The following DPYSL5 variants were observed in gnomAD, a reference collection of about 807,000 sequenced individuals.
The protein encoded by DPYSL5 is dihydropyrimidinase-related protein 5.
In DPYSL5, 9 loss-of-function variants were observed where a neutral mutation model predicts 58.4. That is an observed-to-expected ratio of 0.15 (90% CI 0.09 to 0.27). The LOEUF (loss-of-function observed/expected upper bound fraction) is 0.27. Among genes scored for constraint, DPYSL5 ranks in the 10% least tolerant of loss-of-function variants. The pLI is 1.00. For missense variants in DPYSL5, 499 were observed against 770.6 expected, an observed-to-expected ratio of 0.65 and a Z score of 4.17; for synonymous variants, 293 against 301.9, an observed-to-expected ratio of 0.97 and a Z score of 0.31.
chr2:26,931,773 C>T (rs1386900708), intron 6 of DPYSL5, 89 bp downstream of exon 6: 8 of 1,412,514 alleles, frequency 5.7e-6, no homozygotes, highest in African/African-American at 5.7e-5. Context: ...TTTGGGAGGC[C>T]GAGGTGCGTG....
chr2:26,888,212 TC>T (rs1663770777), intron 1 of DPYSL5, among the ~76,000 whole-genome samples: 2 of 75,494 alleles, frequency 2.6e-5, no homozygotes, highest in African/African-American at 9.9e-5. Flanking sequence ...CCCTTTCTTT[TC>T]TTTCTTTCTT....
intron 1 of DPYSL5, among the ~76,000 whole-genome samples, chr2:26,876,961 C>CTTTT (rs10707678): frequency 5.3e-5 from 6 of 112,266 alleles, no homozygotes; most frequent in African/African-American, 1.4e-4. Context: ...TCCACAGCCA[C>CTTTT]TTTTTTTTTT....
At chr2:26,884,905 A>G (rs989248528) in intron 1 of DPYSL5, among the ~76,000 whole-genome samples, 1 of 151,836 alleles carries the variant, frequency 6.6e-6, no homozygotes, top group African/African-American at 2.4e-5. Context: ...TCTTTTAAAA[A>G]CCGTCTCAGG....
At chr2:26,904,920 C>A (rs1664251986) in intron 2 of DPYSL5, among the ~76,000 whole-genome samples, 1 of 152,078 alleles carries the variant, frequency 6.6e-6, no homozygotes, top group Non-Finnish European at 1.5e-5. Flanking sequence ...AAAACAAAAA[C>A]AGGAGTTTGA....
intron 1 of DPYSL5, among the ~76,000 whole-genome samples, chr2:26,884,520 TCACACA>T (rs3070961): frequency 6.5e-4 from 94 of 145,634 alleles, no homozygotes; most frequent in Admixed American, 1.8e-3. Context: ...TTGTCCTATC[TCACACA>T]CACACACACA....
chr2:26,939,942 C>T lies in DPYSL5; in HGVS notation c.948-89C>T. On this transcript the variant is annotated intron_variant, in intron 8 of 12. Transcript: ENST00000288699. Reference sequence around the variant, plus strand: ...ATTGGAGTCGGCTTTGCCTGCTTCCCACACGGAGGATTTTCCCTATATCTA... The same window carrying T: ...ATTGGAGTCGGCTTTGCCTGCTTCCTACACGGAGGATTTTCCCTATATCTA... The T allele has an allele frequency of 3.2e-6, 5 of 1,559,102 alleles. No homozygotes were observed. In the Admixed American group the frequency reaches 8.7e-5, roughly 27 times the overall value.
chr2:26,900,893 A>G lies in DPYSL5; in HGVS notation c.261+2133A>G, dbSNP rs182331909. On this transcript the variant is annotated intron_variant, in intron 2 of 12. Transcript: ENST00000288699. ...TGTCTACCAGCCTCGCGGTGGGCAG[A>G]CTGGCCTCCTTTGTCTCATTTTCCA... Among the ~76,000 whole-genome samples the G allele has an allele frequency of 4.6e-4, 70 of 152,154 alleles. 1 individual carries two copies. In the East Asian group the frequency reaches 0.012, roughly 26 times the overall value.
At chr2:26,851,339 G>A (rs1167638580) in intron 1 of DPYSL5, among the ~76,000 whole-genome samples, 1 of 44,710 alleles carries the variant, frequency 2.2e-5, no homozygotes, top group Non-Finnish European at 4.2e-5. Context: ...CCAGCCTGAC[G>A]TGAAGGCCTG....
chr2:26,879,744 TCTAAAGGATTC>T (rs547299079), intron 1 of DPYSL5, among the ~76,000 whole-genome samples: 403 of 152,292 alleles, frequency 2.6e-3, no homozygotes, highest in African/African-American at 9.3e-3. Flanking sequence ...TTCCAACTGA[TCTAAAGGATTC>T]CTAGAGAGAG....
In DPYSL5 at chr2:26,924,874, C is replaced by T. The variant is rs546331720; in HGVS notation, c.262-13C>T. The T allele has an allele frequency of 4.2e-5, 67 of 1,611,974 alleles. 1 individual carries two copies. In the African/African-American group the frequency reaches 6.1e-4, roughly 15 times the overall value. On this transcript the variant is annotated splice_polypyrimidine_tract_variant and intron_variant, in intron 2 of 12. Coordinates refer to ENST00000288699, the MANE Select transcript of DPYSL5 (RefSeq NM_020134.4). This position sits in a 1 kb window ranked among gnomAD's most constrained non-coding sequence, Gnocchi z 4.7. ...CAGGGCTGTGACGAGACTGCCTTTT[C>T]CCGTCTTCCCAGGCAGCACTCGTCG...
At chr2:26,908,088 T>G (rs902817712) in intron 2 of DPYSL5, among the ~76,000 whole-genome samples, 2 of 152,202 alleles carry the variant, frequency 1.3e-5, no homozygotes, top group Admixed American at 1.3e-4. Context: ...ATTGAGTTAT[T>G]ATTTGTAAAG....
intron 5 of DPYSL5, among the ~76,000 whole-genome samples, chr2:26,929,539 G>A (rs1664919976): frequency 2.6e-5 from 4 of 152,310 alleles, no homozygotes; most frequent in Middle Eastern, 6.8e-3. Context: ...GTCCTGAGGT[G>A]GAACAGTTTC....
At chr2:26,899,162 A>G (rs2148137498) in intron 2 of DPYSL5, among the ~76,000 whole-genome samples, 1 of 152,244 alleles carries the variant, frequency 6.6e-6, no homozygotes, top group East Asian at 1.9e-4. Flanking sequence ...AGACTGAAAG[A>G]CAAATTTGCT....
chr2:26,863,550 T>C (rs894180635), intron 1 of DPYSL5, among the ~76,000 whole-genome samples: 16 of 152,176 alleles, frequency 1.1e-4, no homozygotes, highest in Non-Finnish European at 1.9e-4. Context: ...CTTTATTGAG[T>C]ATTGAGATAC....
chr2:26,870,760 G>A (rs1663243527), intron 1 of DPYSL5, among the ~76,000 whole-genome samples: 1 of 151,440 alleles, frequency 6.6e-6, no homozygotes, highest in African/African-American at 2.4e-5. Context: ...TCATCAAACT[G>A]TCATTTTTTG....
At chr2:26,899,280 C>T (rs1664093870) in intron 2 of DPYSL5, among the ~76,000 whole-genome samples, 1 of 152,100 alleles carries the variant, frequency 6.6e-6, no homozygotes, top group Non-Finnish European at 1.5e-5. Flanking sequence ...AGTGAGTTAC[C>T]ATGGACAATA....
intron 1 of DPYSL5, among the ~76,000 whole-genome samples, chr2:26,888,669 A>G (rs1213347577): frequency 3.9e-5 from 6 of 152,152 alleles, no homozygotes; most frequent in African/African-American, 1.4e-4. Flanking sequence ...TGTTGTTTGC[A>G]TAGATAAAAT....
At chr2:26,936,457 C>T (rs1558353780) in intron 8 of DPYSL5, among the ~76,000 whole-genome samples, 1 of 152,144 alleles carries the variant, frequency 6.6e-6, no homozygotes, top group Admixed American at 6.5e-5. Flanking sequence ...GGAGTGCCAT[C>T]GATAGGGGCG....
At chr2:26,906,462 G>T (rs1016528195) in intron 2 of DPYSL5, among the ~76,000 whole-genome samples, 6 of 152,094 alleles carry the variant, frequency 3.9e-5, no homozygotes, top group African/African-American at 7.2e-5. Context: ...GATTACAGGC[G>T]TTAGCCACCG....
Sources: allele counts gnomAD v4.1 joint callset (sites outside exome capture counted in the v4.1 genomes callset), GRCh38; gene constraint gnomAD v4.1.1; non-coding constraint Gnocchi (gnomAD v3.1); transcripts MANE v1.5; gene names NCBI Gene and HGNC (gene_info 2026-07-23, HGNC 2026-07-21).